GPHN: variants seen among roughly 807,000 people sequenced by gnomAD.
GPHN encodes the protein gephyrin.
Under a neutral mutation model 95.5 loss-of-function variants are expected in GPHN, and 17 were observed. The observed-to-expected ratio is 0.18, with a 90% CI of 0.12 to 0.27. The LOEUF (loss-of-function observed/expected upper bound fraction) is 0.27. Among genes scored for constraint, GPHN ranks in the 10% least tolerant of loss-of-function variants. GPHN has a pLI of 1.00. For synonymous variants in GPHN, 320 were observed against 322.5 expected (o/e 0.99, Z 0.08); for missense variants, 660 against 978.1 (o/e 0.67, Z 4.34).
intron 1 of GPHN, among the ~76,000 whole-genome samples, chr14:66,540,489 G>C (rs1048806066): frequency 6.6e-6 from 1 of 152,236 alleles, no homozygotes; most frequent in African/African-American, 2.4e-5. Flanking sequence ...AAATTAAATA[G>C]AGATGTATAA....
At chr14:66,598,660 C>G (rs2062086869) in intron 1 of GPHN, among the ~76,000 whole-genome samples, 1 of 152,076 alleles carries the variant, frequency 6.6e-6, no homozygotes, top group Non-Finnish European at 1.5e-5. Context: ...GCCTGACCAA[C>G]ATGGTGAAAC....
At chr14:66,701,339 T>C (rs2068536324) in intron 2 of GPHN, among the ~76,000 whole-genome samples, 1 of 152,240 alleles carries the variant, frequency 6.6e-6, no homozygotes, top group Non-Finnish European at 1.5e-5. Context: ...TGTTTATTTA[T>C]AACTAATACA....
chr14:67,181,647 TCAAAGA>T lies in GPHN; in HGVS notation c.*712_*717del. 3.2e-6 allele frequency: 1 copy of T among 312,062 alleles called. No individual in the cohort carries two copies. The highest frequency in any genetic ancestry group is 6.3e-6 in the Non-Finnish European group (1 of 158,800). The allele number at this position is 312,062 out of a possible 1,614,324, so 19.3% of individuals were successfully genotyped here. On this transcript the variant is annotated 3_prime_UTR_variant, in exon 23 of 23. Coordinates refer to ENST00000478722, the MANE Select transcript of GPHN (RefSeq NM_020806.5). ...AATTGTACAGAACAAAAAAATAAAA[TCAAAGA>T]CTGATCTTGTACAGATATTAGTGTT...
intron 2 of GPHN, among the ~76,000 whole-genome samples, chr14:66,697,555 T>G (rs1193393629): frequency 1.3e-5 from 2 of 152,202 alleles, no homozygotes; most frequent in Non-Finnish European, 2.9e-5. Context: ...GCTTCTGTCA[T>G]GTGAACTTTC....
At chr14:67,190,081 T>G in the GPHN span, among the ~76,000 whole-genome samples, 2 of 149,702 alleles carry the variant, frequency 1.3e-5, no homozygotes, top group Non-Finnish European at 3.0e-5. Context: ...TTTTTTTTTT[T>G]TTTTTTTGTA....
the GPHN span, among the ~76,000 whole-genome samples, chr14:67,477,160 C>T: frequency 2.6e-5 from 3 of 116,578 alleles, no homozygotes; most frequent in Admixed American, 1.6e-4. Context: ...GAGCGAAACT[C>T]CATCTCAAAA....
At chr14:67,363,237 C>T in the GPHN span, among the ~76,000 whole-genome samples, 3 of 150,092 alleles carry the variant, frequency 2.0e-5, no homozygotes, top group Non-Finnish European at 3.0e-5. Context: ...TGTTTAAAAA[C>T]GAAACAAACA....
chr14:66,775,146 G>A (rs999675010), intron 2 of GPHN, among the ~76,000 whole-genome samples: 6 of 151,600 alleles, frequency 4.0e-5, no homozygotes, highest in African/African-American at 1.5e-4. Flanking sequence ...CATAGTTTTT[G>A]GATCATTTGG....
the GPHN span, among the ~76,000 whole-genome samples, chr14:67,475,467 C>T: frequency 6.6e-6 from 1 of 152,208 alleles, no homozygotes; most frequent in Non-Finnish European, 1.5e-5. Flanking sequence ...AACCACTGTG[C>T]TGTTTTCCAC....
At chr14:67,679,495 C>G in the GPHN span, among the ~76,000 whole-genome samples, 5 of 152,104 alleles carry the variant, frequency 3.3e-5, no homozygotes, top group African/African-American at 1.2e-4. Flanking sequence ...CCTCCGCCTC[C>G]CAGGTTTGAG....
chr14:67,144,286 T>TACATATATATATATATATATATAC lies in GPHN; in HGVS notation c.1836+840_1836+841insTATATATATATATATATATACACA, dbSNP rs2080764080. On this transcript the variant is annotated intron_variant, in intron 18 of 22. Coordinates refer to ENST00000478722, the MANE Select transcript of GPHN (RefSeq NM_020806.5). The stretch of plus-strand genomic sequence containing the variant: ...ATATATATATATATATATATATATA[T>TACATATATATATATATATATATAC]ACACACACACATACACAAATATTTT... 2.2e-3 allele frequency among the ~76,000 whole-genome samples: 169 copies of TACATATATATATATATATATATAC among 78,094 alleles called. 17 individuals are homozygous for TACATATATATATATATATATATAC. Among genetic ancestry groups the TACATATATATATATATATATATAC allele is most frequent in the African/African-American group, 9.5e-3 (149 of 15,650 alleles). The allele number at this position is 78,094 out of a possible 152,430, so 51.2% of individuals were successfully genotyped here. A position where few individuals can be genotyped will look rare whatever the true frequency, so the allele number is the denominator to read the frequency against.
At chr14:66,634,225 C>T (rs988466808) in intron 1 of GPHN, among the ~76,000 whole-genome samples, 6 of 151,646 alleles carry the variant, frequency 4.0e-5, no homozygotes, top group African/African-American at 1.2e-4. Context: ...TCTGGTGTAA[C>T]TGTCACTTCT....
intron 1 of GPHN, among the ~76,000 whole-genome samples, chr14:66,563,794 A>G (rs1261662876): frequency 6.6e-6 from 1 of 151,906 alleles, no homozygotes; most frequent in African/African-American, 2.4e-5. Context: ...TAATCTTGCT[A>G]ATTCTGATTG....
the GPHN span, among the ~76,000 whole-genome samples, chr14:67,546,674 G>A: frequency 4.6e-5 from 7 of 152,310 alleles, no homozygotes; most frequent in East Asian, 1.2e-3. Flanking sequence ...GCAGGCGTGA[G>A]CCACCGTGCC....
At chr14:67,575,725 T>A in the GPHN span, 21 of 907,826 alleles carry the variant, frequency 2.3e-5, no homozygotes, top group Non-Finnish European at 3.6e-5. Flanking sequence ...TCGGTCCATA[T>A]CCACGATTCC....
At chr14:66,854,585 A>C (rs1002942218) in intron 4 of GPHN, among the ~76,000 whole-genome samples, 12 of 152,212 alleles carry the variant, frequency 7.9e-5, no homozygotes, top group Non-Finnish European at 1.6e-4. Flanking sequence ...ATTCTTTTTC[A>C]TGGCAATTTT....
chr14:67,381,612 T>C, the GPHN span: 51 of 1,613,396 alleles, frequency 3.2e-5, no homozygotes, highest in Admixed American at 6.3e-4. Context: ...TGGCTTGTTA[T>C]GGTTATGAAG....
At chr14:66,984,848 C>T (rs550840950) in intron 9 of GPHN, among the ~76,000 whole-genome samples, 17 of 151,736 alleles carry the variant, frequency 1.1e-4, no homozygotes, top group African/African-American at 2.7e-4. Flanking sequence ...TTCACCCTGC[C>T]GTTTTTTTTT....
chr14:66,586,139 T>A (rs1215231788), intron 1 of GPHN, among the ~76,000 whole-genome samples: 3 of 152,220 alleles, frequency 2.0e-5, no homozygotes, highest in Non-Finnish European at 4.4e-5. Flanking sequence ...TTTACCATTA[T>A]GTAATGGCCT....
Sources: gnomAD v4.1 joint callset for allele counts (sites outside exome capture counted in the v4.1 genomes callset) on GRCh38, gnomAD v4.1.1 for gene constraint, MANE v1.5 for transcripts, NCBI Gene and HGNC (gene_info 2026-07-23, HGNC 2026-07-21) for gene names.